The following REDIC1 variants were observed in gnomAD, a reference collection of about 807,000 sequenced individuals.
REDIC1 encodes the protein HEI10 Interacting Protein 1.
chr12:39,762,080 C>CA, the REDIC1 span, among the ~76,000 whole-genome samples: 25 of 152,158 alleles, frequency 1.6e-4, no homozygotes, highest in Non-Finnish European at 2.6e-4. Flanking sequence ...GACCGTTTTA[C>CA]AAAATCTGAG....
At chr12:39,867,502 A>G in the REDIC1 span, among the ~76,000 whole-genome samples, 18 of 152,188 alleles carry the variant, frequency 1.2e-4, no homozygotes, top group Admixed American at 1.3e-4. Flanking sequence ...AGTCCATCCA[A>G]TTACAGTCAT....
chr12:39,836,812 A>G, the REDIC1 span, among the ~76,000 whole-genome samples: 1 of 105,330 alleles, frequency 9.5e-6, no homozygotes, highest in African/African-American at 3.8e-5. Flanking sequence ...AAGGAGAACT[A>G]CAAACCACTG....
At chr12:39,708,476 G>C in the REDIC1 span, among the ~76,000 whole-genome samples, 1 of 151,486 alleles carries the variant, frequency 6.6e-6, no homozygotes, top group East Asian at 1.9e-4. Context: ...TTATTTCTGG[G>C]TTTAGACTCT....
chr12:39,640,599 A>G, the REDIC1 span, among the ~76,000 whole-genome samples: 1 of 151,958 alleles, frequency 6.6e-6, no homozygotes, highest in Non-Finnish European at 1.5e-5. Context: ...AATACAAAGA[A>G]AAAGAAGAAT....
At chr12:39,670,274 T>C in the REDIC1 span, among the ~76,000 whole-genome samples, 1 of 152,200 alleles carries the variant, frequency 6.6e-6, no homozygotes, top group South Asian at 2.1e-4. Flanking sequence ...CACTGCAACC[T>C]CTGCCTCCTG....
chr12:39,698,731 T>C, the REDIC1 span, among the ~76,000 whole-genome samples: 2 of 152,332 alleles, frequency 1.3e-5, no homozygotes, highest in African/African-American at 4.8e-5. Flanking sequence ...AGTATGCACC[T>C]GAATGACCAG....
the REDIC1 span, among the ~76,000 whole-genome samples, chr12:39,737,480 C>A: frequency 1.3e-5 from 2 of 152,178 alleles, no homozygotes; most frequent in Non-Finnish European, 2.9e-5. Flanking sequence ...CAACACAGTG[C>A]CTAGTACAGA....
the REDIC1 span, among the ~76,000 whole-genome samples, chr12:39,775,124 T>C: frequency 6.6e-6 from 1 of 152,208 alleles, no homozygotes; most frequent in Non-Finnish European, 1.5e-5. Context: ...CTTTCATTTA[T>C]CACAAGATTA....
At chr12:39,680,316 G>A in the REDIC1 span, among the ~76,000 whole-genome samples, 1 of 152,080 alleles carries the variant, frequency 6.6e-6, no homozygotes, top group Non-Finnish European at 1.5e-5. Flanking sequence ...AATGGGCTAA[G>A]TATGTGAATA....
chr12:39,896,505 T>G, the REDIC1 span, among the ~76,000 whole-genome samples: 2 of 146,656 alleles, frequency 1.4e-5, no homozygotes, highest in African/African-American at 5.0e-5. Flanking sequence ...CATATATGTA[T>G]GTACATGTGT....
the REDIC1 span, among the ~76,000 whole-genome samples, chr12:39,654,358 T>C: frequency 6.6e-6 from 1 of 151,950 alleles, no homozygotes; most frequent in African/African-American, 2.4e-5. Context: ...GAGGCCAAGG[T>C]GGGCGGATCA....
chr12:39,860,351 T>A, the REDIC1 span, among the ~76,000 whole-genome samples: 1 of 152,240 alleles, frequency 6.6e-6, no homozygotes, highest in Admixed American at 6.5e-5. Flanking sequence ...CCCAATTGAT[T>A]AGTAAACTAC....
the REDIC1 span, among the ~76,000 whole-genome samples, chr12:39,736,056 A>G: frequency 1.3e-5 from 2 of 152,196 alleles, no homozygotes; most frequent in South Asian, 2.1e-4. Context: ...AGGCTGAGAA[A>G]ACTACTTAGC....
At chr12:39,683,286 G>C in the REDIC1 span, 3 of 1,106,444 alleles carry the variant, frequency 2.7e-6, no homozygotes, top group Non-Finnish European at 3.9e-6. Flanking sequence ...AAATAGAATG[G>C]CTTCCTATTA....
At chr12:39,863,894 T>G in the REDIC1 span, among the ~76,000 whole-genome samples, 1 of 152,336 alleles carries the variant, frequency 6.6e-6, no homozygotes, top group African/African-American at 2.4e-5. Context: ...TGTTTTAATT[T>G]CATATAGGGT....
chr12:39,701,612 C>T, the REDIC1 span, among the ~76,000 whole-genome samples: 11 of 152,240 alleles, frequency 7.2e-5, no homozygotes, highest in Non-Finnish European at 1.5e-4. Context: ...ACAGAACTCT[C>T]CACCCCAAAT....
At chr12:39,779,384 G>T in the REDIC1 span, among the ~76,000 whole-genome samples, 1 of 151,958 alleles carries the variant, frequency 6.6e-6, no homozygotes, top group Non-Finnish European at 1.5e-5. Context: ...TCACTCTATT[G>T]CCTGAATTCT....
the REDIC1 span, among the ~76,000 whole-genome samples, chr12:39,654,601 A>AAT: frequency 6.6e-6 from 1 of 151,790 alleles, no homozygotes; most frequent in Admixed American, 6.6e-5. Flanking sequence ...AAAAAAAAAA[A>AAT]CTGCTTGGTG....
chr12:39,841,789 TGAA>T, the REDIC1 span, among the ~76,000 whole-genome samples: 8 of 152,142 alleles, frequency 5.3e-5, no homozygotes, highest in African/African-American at 1.9e-4. Flanking sequence ...TATTCATTAT[TGAA>T]GAGACAGAAT....
Sources: allele counts gnomAD v4.1 joint callset (sites outside exome capture counted in the v4.1 genomes callset), GRCh38; gene constraint gnomAD v4.1.1; transcripts MANE v1.5; gene names NCBI Gene and HGNC (gene_info 2026-07-23, HGNC 2026-07-21).